RB1: variants seen among roughly 807,000 people sequenced by gnomAD.
RB1 encodes the protein RB transcriptional corepressor 1, also known as retinoblastoma-associated protein.
Under a neutral mutation model 135.4 loss-of-function variants are expected in RB1, and 18 were observed. The ratio of observed to expected loss-of-function variants is 0.13; its 90% CI spans 0.09 to 0.20. The LOEUF (loss-of-function observed/expected upper bound fraction) is 0.20, where lower values mean the gene tolerates loss of function less well. Among genes scored for constraint, RB1 ranks in the 10% least tolerant of loss-of-function variants. RB1 has a pLI of 1.00. For synonymous variants in RB1, 365 were observed against 373.2 expected (o/e 0.98, Z 0.25); for missense variants, 868 against 1,110.0 (o/e 0.78, Z 3.10).
At chr13:48,434,670 T>C (rs1047357701) in intron 17 of RB1, among the ~76,000 whole-genome samples, 1 of 152,118 alleles carries the variant, frequency 6.6e-6, no homozygotes, top group African/African-American at 2.4e-5. Flanking sequence ...CTTGACCTGG[T>C]GAAAATGTGT....
At position 48,345,791 on chromosome 13, in the gene RB1, G is replaced by A. The variant is rs1032987213; in HGVS notation, c.500+592G>A. Among the ~76,000 whole-genome samples, 13 of 152,182 alleles carry A rather than the reference G, an allele frequency of 8.5e-5. 1 individual carries two copies. In the South Asian group the frequency reaches 2.1e-3, roughly 24 times the overall value. ...TTGTTTTGAGGCTCATTTCATTTGC[G>A]GTTAAGAGAATATGAAAGTTACAGT... On this transcript the variant is annotated intron_variant, in intron 4 of 26. Transcript: ENST00000267163.
rs1325297702 is a variant in RB1 at position 48,481,337 on chromosome 13, G to C, written c.*1266G>C. On this transcript the variant is annotated 3_prime_UTR_variant, in exon 27 of 27. Transcript: ENST00000267163. ...AATTAAAACAGCTGCATTAGAAAAA[G>C]AGGCGCTTCTCCCCTCCCCTACACC... is the stretch of plus-strand genomic sequence containing the variant. 4.3e-6 allele frequency: 1 copy of C among 231,884 alleles called. No homozygotes were observed. Among genetic ancestry groups the C allele is most frequent in the Non-Finnish European group, 8.5e-6 (1 of 117,344 alleles). The allele number at this position is 231,884 out of a possible 1,614,324, so 14.4% of individuals were successfully genotyped here.
rs199676406 is a variant in RB1, at chr13:48,338,866, CGTTTCT to C, written c.265-3728_265-3723del. On this transcript the variant is annotated intron_variant, in intron 2 of 26. Coordinates refer to ENST00000267163, the MANE Select transcript of RB1 (RefSeq NM_000321.3). Reference sequence around the variant, plus strand: ...ACAGATGGGGGTATGGTGTGGATGTCGTTTCTGTTTGTTAGTTTTCCTTCTAACAGG... The same window carrying C: ...ACAGATGGGGGTATGGTGTGGATGTCGTTTGTTAGTTTTCCTTCTAACAGG... 0.011 allele frequency among the ~76,000 whole-genome samples: 1,744 copies of C among 152,136 alleles called. 61 individuals are homozygous for C. In the East Asian group the frequency reaches 0.12, roughly 10 times the overall value.
At chr13:48,476,575 C>A in intron 24 of RB1, 126 bp from the exon 25 acceptor site, 1 of 962,296 alleles carries the variant, frequency 1.0e-6, no homozygotes, top group Non-Finnish European at 1.6e-6. Flanking sequence ...TCCAATGAAG[C>A]AGAAAATTTA....
chr13:48,324,991 T>C (rs1236874826), intron 2 of RB1, among the ~76,000 whole-genome samples: 1 of 152,188 alleles, frequency 6.6e-6, no homozygotes, highest in East Asian at 1.9e-4. Context: ...TTTGTTTTTT[T>C]TTTTAAGTTC....
intron 2 of RB1, chr13:48,328,539 C>G: frequency 1.4e-6 from 1 of 737,578 alleles, no homozygotes; most frequent in South Asian, 1.4e-5. Context: ...CCGGCTTCTC[C>G]TCTCCCGCCT....
At chr13:48,438,005 T>C (rs55816660) in intron 17 of RB1, among the ~76,000 whole-genome samples, 1,873 of 152,312 alleles carry the variant, frequency 0.012, 32 homozygotes, top group African/African-American at 0.042. Context: ...GGCTGCATCA[T>C]ATGTCAATAT....
At chr13:48,330,479 C>T (rs1161272087) in intron 2 of RB1, among the ~76,000 whole-genome samples, 1 of 152,062 alleles carries the variant, frequency 6.6e-6, no homozygotes, top group East Asian at 1.9e-4. Context: ...AAAGAGGAGA[C>T]ATTATGACTG....
chr13:48,363,108 T>C (rs1025262678), intron 8 of RB1, 151 bp downstream of exon 8: 1 of 962,830 alleles, frequency 1.0e-6, no homozygotes, highest in Non-Finnish European at 1.5e-6. Context: ...AAAAAATTAA[T>C]TCGTTATATT....
Position 48,319,577 on chromosome 13 carries a change from G to A in RB1, c.264+12171G>A, listed in dbSNP as rs147020441. On this transcript the variant is annotated intron_variant, in intron 2 of 26. Coordinates refer to ENST00000267163, the MANE Select transcript of RB1 (RefSeq NM_000321.3). This position sits in a 1 kb window ranked among gnomAD's most constrained non-coding sequence, Gnocchi z 5.0. ...GCTTGGTCGTGACCCTGGACTTGAG[G>A]CTTCTGGGCTGCACGTTCGTCTTTG... is the stretch of plus-strand genomic sequence containing the variant. 2.4e-3 allele frequency: 596 copies of A among 246,648 alleles called. 3 individuals are homozygous for A. Among genetic ancestry groups the A allele is most frequent in the African/African-American group, 0.013 (553 of 43,148 alleles). The allele number at this position is 246,648 out of a possible 1,614,324, so 15.3% of individuals were successfully genotyped here. A position where few individuals can be genotyped will look rare whatever the true frequency, so the allele number is the denominator to read the frequency against.
intron 17 of RB1, among the ~76,000 whole-genome samples, chr13:48,388,774 A>G (rs1566201965): frequency 6.6e-6 from 1 of 152,186 alleles, no homozygotes; most frequent in Non-Finnish European, 1.5e-5. Context: ...TCTAACATTT[A>G]AAGGATGGAC....
rs1213010309 is a variant in RB1, at chr13:48,380,213, T to A, written c.1470T>A (p.Ala490=). The A allele has an allele frequency of 6.2e-7, 1 of 1,607,856 alleles. No individual in the cohort carries two copies. The highest frequency in any genetic ancestry group is 8.5e-7 in the Non-Finnish European group (1 of 1,176,108). The part of the protein sequence containing the change: ...NIFHMSLLAC[A]LEVVMATYSR... ...TTCATATGTCTTTATTGGCGTGCGC[T>A]CTTGAGGTTGTAATGGCCACATATA... The change falls in exon 16 of 27, where the codon GCT becomes GCA. Residue 490 remains alanine, a synonymous_variant. Coordinates refer to ENST00000267163, the MANE Select transcript of RB1 (RefSeq NM_000321.3).
chr13:48,311,497 T>C (rs1952130409), intron 2 of RB1, among the ~76,000 whole-genome samples: 3 of 152,220 alleles, frequency 2.0e-5, no homozygotes, highest in Admixed American at 2.0e-4. Context: ...TCTGCAAATG[T>C]GTACAGCATG....
chr13:48,324,409 A>G (rs972241364), intron 2 of RB1, among the ~76,000 whole-genome samples: 2 of 140,084 alleles, frequency 1.4e-5, no homozygotes, highest in Non-Finnish European at 3.1e-5. Context: ...TCATCATTCT[A>G]CTCTGTCTCC....
chr13:48,382,519 T>A (rs1948543836), intron 17 of RB1, among the ~76,000 whole-genome samples: 1 of 152,340 alleles, frequency 6.6e-6, no homozygotes, highest in African/African-American at 2.4e-5. Flanking sequence ...TCTGTTCATA[T>A]CTTTCACCCA....
intron 2 of RB1, among the ~76,000 whole-genome samples, chr13:48,309,925 G>A (rs1040405176): frequency 4.6e-5 from 7 of 151,970 alleles, no homozygotes; most frequent in African/African-American, 1.5e-4. Flanking sequence ...ACCTTCCCTG[G>A]GAACTGGCCC....
At chr13:48,320,391 G>T in intron 2 of RB1, 1 of 1,181,430 alleles carries the variant, frequency 8.5e-7, no homozygotes, top group Non-Finnish European at 1.2e-6. Flanking sequence ...AGAAGCACCC[G>T]GGGAACCTAA....
rs587778823 is a variant in RB1, at chr13:48,303,978, A to ACCG, written c.78_80dup (p.Pro29dup). ...CCGCTGCCGCCGCGGAACCCCCGGC[A>ACCG]CCGCCGCCGCCGCCCCCTCCTGAGG... On this transcript the variant is annotated inframe_insertion, in exon 1 of 27. Transcript: ENST00000267163. The ACCG allele has an allele frequency of 7.3e-6, 11 of 1,501,582 alleles. No individual in the cohort carries two copies. Among genetic ancestry groups the ACCG allele is most frequent in the African/African-American group, 7.3e-5 (5 of 68,758 alleles). 93.0% of individuals were successfully genotyped at this position (1,501,582 alleles called of 1,614,324 possible).
intron 11 of RB1, among the ~76,000 whole-genome samples, chr13:48,372,442 G>A (rs1471081099): frequency 6.6e-6 from 1 of 152,136 alleles, no homozygotes; most frequent in Non-Finnish European, 1.5e-5. Context: ...CGGATCACCT[G>A]AGGACAGGAG....
Sources: allele counts gnomAD v4.1 joint callset (sites outside exome capture counted in the v4.1 genomes callset), GRCh38; gene constraint gnomAD v4.1.1; non-coding constraint Gnocchi (gnomAD v3.1); transcripts MANE v1.5; gene names NCBI Gene and HGNC (gene_info 2026-07-23, HGNC 2026-07-21).